Variants in GKAP1 observed in about 807,000 individuals in gnomAD.
GKAP1 encodes G kinase-anchoring protein 1.
In GKAP1, 31 loss-of-function variants were observed where a neutral mutation model predicts 56.7. That is an observed-to-expected ratio of 0.55 (90% CI 0.41 to 0.74). The LOEUF (loss-of-function observed/expected upper bound fraction) is 0.74. GKAP1 is among the 30% of genes least tolerant of loss of function. The pLI is 0.00. For synonymous variants in GKAP1, 151 were observed against 138.6 expected, an observed-to-expected ratio of 1.09 and a Z score of -0.63; for missense variants, 364 against 402.3, an observed-to-expected ratio of 0.90 and a Z score of 0.82.
chr9:83,815,760 G>A (rs920867949), intron 2 of GKAP1, among the ~76,000 whole-genome samples: 3 of 152,102 alleles, frequency 2.0e-5, no homozygotes, highest in Non-Finnish European at 4.4e-5. Context: ...AACTTAGATC[G>A]AAATTAACTG....
In GKAP1 at chr9:83,806,545, C is replaced by T. The variant is rs771267827; in HGVS notation, c.-28G>A. On this transcript the variant is annotated 5_prime_UTR_variant, in exon 3 of 13. Transcript: ENST00000376371. ...TAAAGATTTTTCTTTTAAAATACTT[C>T]TGTCAAGAATAATTTCTGTGGGGAG... 3.8e-6 allele frequency: 6 copies of T among 1,593,350 alleles called. No homozygotes were observed. Among genetic ancestry groups the T allele is most frequent in the Non-Finnish European group, 5.1e-6 (6 of 1,165,264 alleles).
In GKAP1 at chr9:83,791,381, C is replaced by T. The variant is rs566276879; in HGVS notation, c.361-2703G>A. Among the ~76,000 whole-genome samples the T allele has an allele frequency of 2.7e-3, 406 of 149,320 alleles. 4 individuals carry two copies. The highest frequency in any genetic ancestry group is 9.1e-3 in the African/African-American group (370 of 40,528). ...TCACGCCACTGCACCCTAGCCTGGG[C>T]GACAGAGCGAGACTCCGTCTCAAAA... is the stretch of plus-strand genomic sequence containing the variant. On this transcript the variant is annotated intron_variant, in intron 4 of 12. Coordinates refer to ENST00000376371, the MANE Select transcript of GKAP1 (RefSeq NM_025211.4).
At chr9:83,750,694 T>A (rs940535703) in intron 9 of GKAP1, among the ~76,000 whole-genome samples, 5 of 152,246 alleles carry the variant, frequency 3.3e-5, no homozygotes, top group African/African-American at 1.2e-4. Flanking sequence ...ATCTATTTTT[T>A]AATCTATTAT....
At chr9:83,795,246 G>T (rs920478291) in intron 4 of GKAP1, among the ~76,000 whole-genome samples, 9 of 151,080 alleles carry the variant, frequency 6.0e-5, no homozygotes, top group African/African-American at 2.2e-4. Context: ...CAGCTTTACT[G>T]GGATATAATT....
rs527879970 is a variant in GKAP1 at position 83,815,568 on chromosome 9, C to A, written c.-44+1428G>T. Among the ~76,000 whole-genome samples, 14 of 147,930 alleles carry A rather than the reference C, an allele frequency of 9.5e-5. No homozygotes were observed. In the East Asian group the frequency reaches 2.7e-3, roughly 29 times the overall value. ...CCAGAAGACCACAATTAGGGAACTT[C>A]AGAAAACACACACACACACACACAC... On this transcript the variant is annotated intron_variant, in intron 2 of 12. Coordinates refer to ENST00000376371, the MANE Select transcript of GKAP1 (RefSeq NM_025211.4).
intron 12 of GKAP1, among the ~76,000 whole-genome samples, chr9:83,739,973 T>A (rs907394599): frequency 5.9e-5 from 9 of 152,094 alleles, no homozygotes; most frequent in African/African-American, 2.2e-4. Context: ...TGAATAAGAG[T>A]CTTGCCTTAG....
chr9:83,739,566 T>C lies in GKAP1; in HGVS notation c.*131A>G. On this transcript the variant is annotated 3_prime_UTR_variant, in exon 13 of 13. Coordinates refer to ENST00000376371, the MANE Select transcript of GKAP1 (RefSeq NM_025211.4). ...CAAAAGAAATAAAATTATAGACCATTAGGGAGCTAGTTGCTTTTAGTTCCT... is the reference window on the plus strand; with the variant it reads ...CAAAAGAAATAAAATTATAGACCATCAGGGAGCTAGTTGCTTTTAGTTCCT... 5.4e-6 allele frequency: 3 copies of C among 551,406 alleles called. No individual in the cohort carries two copies. The highest frequency in any genetic ancestry group is 9.6e-6 in the Non-Finnish European group (3 of 312,992). The allele number at this position is 551,406 out of a possible 1,614,324, so 34.2% of individuals were successfully genotyped here.
At chr9:83,763,744 G>A (rs1301636584) in intron 8 of GKAP1, among the ~76,000 whole-genome samples, 1 of 152,024 alleles carries the variant, frequency 6.6e-6, no homozygotes, top group Non-Finnish European at 1.5e-5. Flanking sequence ...ATTATCTATT[G>A]AGTGCATACT....
intron 4 of GKAP1, among the ~76,000 whole-genome samples, chr9:83,794,926 G>A (rs1944218974): frequency 6.6e-6 from 1 of 151,950 alleles, no homozygotes; most frequent in Non-Finnish European, 1.5e-5. Flanking sequence ...GAGGTGGGGA[G>A]GGGAGGATCA....
chr9:83,774,803 G>A (rs577228790), intron 7 of GKAP1, among the ~76,000 whole-genome samples: 3 of 132,776 alleles, frequency 2.3e-5, no homozygotes, highest in South Asian at 2.7e-4. Context: ...TCCACCTCCC[G>A]GGTTCAGGCG....
At chr9:83,754,820 C>T (rs1943447778) in intron 8 of GKAP1, among the ~76,000 whole-genome samples, 1 of 152,150 alleles carries the variant, frequency 6.6e-6, no homozygotes, top group Admixed American at 6.5e-5. Flanking sequence ...TTAGATTTGA[C>T]TGTGTGAGAC....
chr9:83,766,167 G>C (rs1170703827), intron 8 of GKAP1, among the ~76,000 whole-genome samples: 3 of 152,144 alleles, frequency 2.0e-5, no homozygotes, highest in African/African-American at 7.2e-5. Flanking sequence ...TGGTCTATAA[G>C]GGGCTTCCCC....
At chr9:83,743,768 C>G (rs771290338) in intron 10 of GKAP1, among the ~76,000 whole-genome samples, 6 of 152,048 alleles carry the variant, frequency 3.9e-5, no homozygotes, top group Non-Finnish European at 8.8e-5. Context: ...CATGTGTGGT[C>G]TCTTAGAACT....
rs1554737696 is a variant in GKAP1 at position 83,753,081 on chromosome 9, C to CAACATAA, written c.840+176_840+177insTTATGTT. On this transcript the variant is annotated intron_variant, in intron 9 of 12. Transcript: ENST00000376371. The stretch of plus-strand genomic sequence containing the variant: ...TCTCAAACAACAACAACAACAACAA[C>CAACATAA]ATAAATAAATAAATAAATAATCATT... Among the ~76,000 whole-genome samples the CAACATAA allele has an allele frequency of 1.5e-4, 22 of 149,606 alleles. 1 individual carries two copies. Among genetic ancestry groups the CAACATAA allele is most frequent in the Middle Eastern group, 3.5e-3 (1 of 284 alleles).
intron 7 of GKAP1, among the ~76,000 whole-genome samples, chr9:83,774,751 C>A (rs1175982612): frequency 2.5e-5 from 3 of 119,722 alleles, no homozygotes; most frequent in African/African-American, 9.6e-5. Context: ...GGCTCTGTTG[C>A]CAGGTTGGAG....
At chr9:83,785,618 A>G (rs984275892) in intron 5 of GKAP1, among the ~76,000 whole-genome samples, 15 of 152,132 alleles carry the variant, frequency 9.9e-5, no homozygotes, top group Admixed American at 9.8e-4. Context: ...CTTACAGCCA[A>G]TTAACTACTA....
intron 12 of GKAP1, 120 bp from the exon 13 acceptor site, chr9:83,739,864 G>C: frequency 1.4e-6 from 1 of 690,830 alleles, no homozygotes; most frequent in Non-Finnish European, 2.4e-6. Flanking sequence ...TTTCTTTTTT[G>C]ATTTTGTTGT....
At chr9:83,771,215 A>T (rs1359606181) in intron 7 of GKAP1, among the ~76,000 whole-genome samples, 1 of 149,456 alleles carries the variant, frequency 6.7e-6, no homozygotes, top group Non-Finnish European at 1.5e-5. Flanking sequence ...GGCACATGCC[A>T]CCACTCCTGG....
In GKAP1 at chr9:83,778,204, C is replaced by A. The variant is rs897979835; in HGVS notation, c.585+2178G>T. 2.0e-5 allele frequency among the ~76,000 whole-genome samples: 3 copies of A among 152,082 alleles called. No homozygotes were observed. In the East Asian group the frequency reaches 5.8e-4, roughly 29 times the overall value. On this transcript the variant is annotated intron_variant, in intron 7 of 12. Coordinates refer to ENST00000376371, the MANE Select transcript of GKAP1 (RefSeq NM_025211.4). ...CAGCAATCCCATTACTGGATATATACCCAGAGGAATATAAATGGTTCTATT... is the reference window on the plus strand; with the variant it reads ...CAGCAATCCCATTACTGGATATATAACCAGAGGAATATAAATGGTTCTATT...
Sources: gnomAD v4.1 joint callset for allele counts (sites outside exome capture counted in the v4.1 genomes callset) on GRCh38, gnomAD v4.1.1 for gene constraint, MANE v1.5 for transcripts, NCBI Gene and HGNC (gene_info 2026-07-23, HGNC 2026-07-21) for gene names.